The following SRSF5 variants were observed in gnomAD, a reference collection of about 807,000 sequenced individuals.
The protein encoded by SRSF5 is serine/arginine-rich splicing factor 5.
In SRSF5, 5 loss-of-function variants were observed where a neutral mutation model predicts 34.0. The observed-to-expected ratio is 0.15, with a 90% CI of 0.08 to 0.31. The LOEUF (loss-of-function observed/expected upper bound fraction) is 0.31, where lower values mean the gene tolerates loss of function less well. Ranked by LOEUF, SRSF5 falls within the 10% of genes least tolerant of loss-of-function variation. The pLI is 1.00. For missense variants in SRSF5, 223 were observed against 351.4 expected (o/e 0.63, Z 2.92); for synonymous variants, 164 against 117.7 (o/e 1.39, Z -2.55).
intron 1 of SRSF5, 21 bp from the exon 2 acceptor site, chr14:69,768,117 G>A (rs749299587): frequency 6.8e-6 from 11 of 1,613,220 alleles, no homozygotes; most frequent in African/African-American, 1.3e-5. Context: ...CTATTATCTC[G>A]ATTGAATTAC....
intron 2 of SRSF5, 90 bp from the exon 3 acceptor site, chr14:69,768,514 T>G (rs1882812424): frequency 7.4e-7 from 1 of 1,352,796 alleles, no homozygotes; most frequent in African/African-American, 1.4e-5. Context: ...AAGATACTCT[T>G]CCCATTCTGT....
intron 4 of SRSF5, 142 bp downstream of exon 4, chr14:69,769,038 A>G (rs781197914): frequency 1.3e-5 from 17 of 1,281,658 alleles, no homozygotes; most frequent in Admixed American, 1.9e-5. Context: ...TTCTTGATGA[A>G]TCTATATGAG....
In SRSF5 at chr14:69,771,592, G is replaced by GT; in HGVS notation, c.*133dup. The GT allele has an allele frequency of 1.0e-6, 1 of 961,368 alleles. No homozygotes were observed. The highest frequency in any genetic ancestry group is 1.7e-5 in the African/African-American group (1 of 59,632). 59.6% of individuals were successfully genotyped at this position (961,368 alleles called of 1,614,324 possible). A position where few individuals can be genotyped will look rare whatever the true frequency, so the allele number is the denominator to read the frequency against. On this transcript the variant is annotated 3_prime_UTR_variant, in exon 8 of 8. Coordinates refer to ENST00000557154, the MANE Select transcript of SRSF5 (RefSeq NM_001320214.2). ...GGGTGGGATTTGGAAGGGGGGTTGGGTTGGGCTGGATATCTTTGTAGATGT... is the reference window on the plus strand; with the variant it reads ...GGGTGGGATTTGGAAGGGGGGTTGGGTTTGGGCTGGATATCTTTGTAGATGT...
chr14:69,769,895 T>C (rs1449511868), intron 5 of SRSF5: 1 of 1,150,432 alleles, frequency 8.7e-7, no homozygotes. Flanking sequence ...AGTCCGCTAA[T>C]AGGGAGGGCT....
intron 2 of SRSF5, 137 bp downstream of exon 2, chr14:69,768,419 C>T (rs760003276): frequency 2.3e-5 from 31 of 1,367,802 alleles, no homozygotes; most frequent in Non-Finnish European, 2.9e-5. Flanking sequence ...TTTATTGAGG[C>T]TGAAAACAAC....
At chr14:69,770,036 A>T (rs1391442167) in intron 5 of SRSF5, 2 of 1,020,212 alleles carry the variant, frequency 2.0e-6, no homozygotes, top group African/African-American at 3.4e-5. Flanking sequence ...GGGAAATAAT[A>T]ATAAAGGTAA....
At chr14:69,770,185 GTTTT>G (rs570319620) in intron 5 of SRSF5, 15 of 1,092,740 alleles carry the variant, frequency 1.4e-5, no homozygotes, top group South Asian at 3.9e-5. Flanking sequence ...TTTTTTGTTT[GTTTT>G]TTTTTCTTTT....
chr14:69,768,935 T>G, intron 4 of SRSF5, 39 bp downstream of exon 4: 2 of 1,584,300 alleles, frequency 1.3e-6, no homozygotes, highest in East Asian at 4.5e-5. Context: ...ACAATTATTG[T>G]AGGGGTAGCA....
rs7147944 is a variant in SRSF5, at chr14:69,767,992, C to T, written c.-19-146C>T. 1.2e-3 allele frequency: 1,030 copies of T among 850,828 alleles called. 5 individuals are homozygous for T. The African/African-American group carries it at 0.016, about 13-fold the overall frequency. The allele number at this position is 850,828 out of a possible 1,614,324, so 52.7% of individuals were successfully genotyped here. On this transcript the variant is annotated intron_variant, in intron 1 of 7. Coordinates refer to ENST00000557154, the MANE Select transcript of SRSF5 (RefSeq NM_001320214.2). ...GGGTTTTCATTTTGTCTGCAGGTAA[C>T]CTGGCCTCATTAGAGGCTCTGTTGG...
chr14:69,767,545 C>G (rs939968493), intron 1 of SRSF5: 19 of 455,884 alleles, frequency 4.2e-5, no homozygotes, highest in Admixed American at 2.6e-4. Flanking sequence ...CGGGATCTCC[C>G]TGACTTTGCT....
chr14:69,770,829 A>G, intron 6 of SRSF5, 166 bp from the exon 7 acceptor site: 2 of 707,866 alleles, frequency 2.8e-6, no homozygotes, highest in East Asian at 2.7e-5. Context: ...GGCTCAAAGT[A>G]TAACAGTGCC....
At chr14:69,770,056 T>C (rs1482264042) in intron 5 of SRSF5, 1 of 1,018,488 alleles carries the variant, frequency 9.8e-7, no homozygotes, top group South Asian at 4.2e-5. Flanking sequence ...AAGTAAACTT[T>C]TTTAATGACA....
intron 6 of SRSF5, 118 bp downstream of exon 6, chr14:69,770,658 T>C (rs1883087787): frequency 1.4e-5 from 14 of 977,516 alleles, no homozygotes; most frequent in Non-Finnish European, 2.2e-5. Flanking sequence ...AGAGACAATT[T>C]TGCTGCTTCC....
Position 69,767,196 on chromosome 14 carries a change from G to A in SRSF5, c.-79G>A. ...AGTCCTGGTCTGCGTGGAGGTCGAC[G>A]ACTCCGTCGCAGACTACGGACCTGT... is the stretch of plus-strand genomic sequence containing the variant. On this transcript the variant is annotated 5_prime_UTR_variant, in exon 1 of 8. Coordinates refer to ENST00000557154, the MANE Select transcript of SRSF5 (RefSeq NM_001320214.2). The A allele has an allele frequency of 2.8e-6, 1 of 356,206 alleles. No homozygotes were observed. Among genetic ancestry groups the A allele is most frequent in the South Asian group, 2.1e-5 (1 of 47,296 alleles). The allele number at this position is 356,206 out of a possible 1,614,324, so 22.1% of individuals were successfully genotyped here. A position where few individuals can be genotyped will look rare whatever the true frequency, so the allele number is the denominator to read the frequency against.
chr14:69,771,175 T>G lies in SRSF5; in HGVS notation c.552-19T>G. 3 of 1,613,812 alleles carry G rather than the reference T, an allele frequency of 1.9e-6. No homozygotes were observed. The highest frequency in any genetic ancestry group is 8.5e-7 in the Non-Finnish European group (1 of 1,179,786). ...GTTGTAGAGTCTTATCTAGGCTGATTTCTTTTCATTTTTCATAGTAGGTCA... is the reference window on the plus strand; with the variant it reads ...GTTGTAGAGTCTTATCTAGGCTGATGTCTTTTCATTTTTCATAGTAGGTCA... On this transcript the variant is annotated intron_variant, in intron 7 of 7. Coordinates refer to ENST00000557154, the MANE Select transcript of SRSF5 (RefSeq NM_001320214.2).
intron 4 of SRSF5, 22 bp from the exon 5 acceptor site, chr14:69,769,160 G>A (rs371222876): frequency 7.0e-5 from 113 of 1,613,874 alleles, no homozygotes; most frequent in Admixed American, 4.0e-4. Flanking sequence ...CTTCCATTGT[G>A]AATACGAATT....
intron 6 of SRSF5, chr14:69,770,777 A>C (rs1883109756): frequency 3.1e-6 from 2 of 638,346 alleles, no homozygotes; most frequent in Non-Finnish European, 5.4e-6. Context: ...GCATCCTGCT[A>C]AGCATCCCAC....
intron 4 of SRSF5, 42 bp from the exon 5 acceptor site, chr14:69,769,140 C>A: frequency 1.9e-6 from 3 of 1,606,832 alleles, no homozygotes; most frequent in South Asian, 2.2e-5. Context: ...CAAGTGCTGT[C>A]ATTGCATTTC....
chr14:69,769,372 A>G (rs1882951305), intron 5 of SRSF5, 121 bp downstream of exon 5: 1 of 1,501,840 alleles, frequency 6.7e-7, no homozygotes, highest in South Asian at 1.3e-5. Context: ...TGGAATTGTA[A>G]TTTTAAACAT....
Sources: gnomAD v4.1 joint callset for allele counts on GRCh38, gnomAD v4.1.1 for gene constraint, MANE v1.5 for transcripts, NCBI Gene and HGNC (gene_info 2026-07-23, HGNC 2026-07-21) for gene names.